Variants in TEAD1 observed in about 807,000 individuals in gnomAD.
TEAD1 encodes TEA domain transcription factor 1.
Under a neutral mutation model 54.9 loss-of-function variants are expected in TEAD1, and 9 were observed. That is an observed-to-expected ratio of 0.16 (90% CI 0.10 to 0.29). The LOEUF (loss-of-function observed/expected upper bound fraction) is 0.29, where lower values mean the gene tolerates loss of function less well. Ranked by LOEUF, TEAD1 falls within the 10% of genes least tolerant of loss-of-function variation. The pLI, the probability that TEAD1 is intolerant of heterozygous loss-of-function variation, is 1.00. For missense variants in TEAD1, 387 were observed against 535.9 expected (o/e 0.72, Z 2.74); for synonymous variants, 200 against 187.8 (o/e 1.07, Z -0.53).
Position 12,715,133 on chromosome 11 carries a change from T to C in TEAD1, c.-55+39572T>C, listed in dbSNP as rs149694367. ...CATACCATGGGGTCGGGGAGTTTAG[T>C]GGTCTTCAGTCACCGCTTCCAGTTT... On this transcript the variant is annotated intron_variant, in intron 2 of 12. Coordinates refer to ENST00000527636, the MANE Select transcript of TEAD1 (RefSeq NM_021961.6). Among the ~76,000 whole-genome samples the C allele has an allele frequency of 2.0e-3, 303 of 152,238 alleles. 1 individual carries two copies. Among genetic ancestry groups the C allele is most frequent in the African/African-American group, 6.5e-3 (269 of 41,524 alleles).
At chr11:12,761,340 C>T (rs762866222) in intron 2 of TEAD1, among the ~76,000 whole-genome samples, 9 of 152,126 alleles carry the variant, frequency 5.9e-5, no homozygotes, top group Non-Finnish European at 1.3e-4. Flanking sequence ...TGGAACTTCC[C>T]AAAGTGGATC....
In TEAD1 at chr11:12,901,969, G is replaced by A. The variant is rs749828562; in HGVS notation, c.729G>A (p.Gly243=). The change falls in exon 10 of 13, where the codon GGG becomes GGA. Residue 243 remains glycine, a synonymous_variant. Transcript: ENST00000527636. Reference sequence around the variant, plus strand: ...ACAAACACCTCTTCGTGCACATTGGGCATGCCAACCATTCTTACAGTGACC... The same window carrying A: ...ACAAACACCTCTTCGTGCACATTGGACATGCCAACCATTCTTACAGTGACC... 1 of 1,614,070 alleles carries A rather than the reference G, an allele frequency of 6.2e-7. No individual in the cohort carries two copies. Among genetic ancestry groups the A allele is most frequent in the African/African-American group, 1.3e-5 (1 of 74,938 alleles).
intron 10 of TEAD1, among the ~76,000 whole-genome samples, chr11:12,903,251 G>A (rs1287454746): frequency 1.3e-5 from 2 of 152,182 alleles, no homozygotes; most frequent in African/African-American, 4.8e-5. Context: ...AGATCTGTGT[G>A]ACTTTAATGC....
At chr11:12,935,550 C>G (rs1949084346) in intron 12 of TEAD1, among the ~76,000 whole-genome samples, 1 of 152,012 alleles carries the variant, frequency 6.6e-6, no homozygotes, top group African/African-American at 2.4e-5. Flanking sequence ...ACCTCTGCCT[C>G]CCGGGCTCAA....
In TEAD1 at chr11:12,937,915, A is replaced by T. The variant is rs987055609; in HGVS notation, c.*693A>T. The T allele has an allele frequency of 6.6e-6, 1 of 152,528 alleles. No homozygotes were observed. Among genetic ancestry groups the T allele is most frequent in the African/African-American group, 2.4e-5 (1 of 41,430 alleles). 9.4% of individuals were successfully genotyped at this position (152,528 alleles called of 1,614,324 possible). ...AAGGTTAACACTAATCTCCTAATCCATTAAACTCTTGAACAGGTATTACAA... is the reference window on the plus strand; with the variant it reads ...AAGGTTAACACTAATCTCCTAATCCTTTAAACTCTTGAACAGGTATTACAA... On this transcript the variant is annotated 3_prime_UTR_variant, in exon 13 of 13. Transcript: ENST00000527636.
chr11:12,758,698 G>C (rs1590121617), intron 2 of TEAD1, among the ~76,000 whole-genome samples: 1 of 151,968 alleles, frequency 6.6e-6, no homozygotes, highest in Admixed American at 6.6e-5. Context: ...ACAGGCGTGG[G>C]CCACCCTACC....
chr11:12,775,359 G>A (rs552660735), intron 3 of TEAD1, among the ~76,000 whole-genome samples: 1 of 152,268 alleles, frequency 6.6e-6, no homozygotes, highest in Admixed American at 6.5e-5. Flanking sequence ...TAGAGAGTGG[G>A]TGGACATTTG....
intron 2 of TEAD1, among the ~76,000 whole-genome samples, chr11:12,719,947 A>ATTTTTTTT (rs1564917562): frequency 1.7e-5 from 1 of 59,758 alleles, no homozygotes. Context: ...TGGAAATCTA[A>ATTTTTTTT]TGTTTTTTTT....
chr11:12,832,751 A>T (rs1246702682), intron 3 of TEAD1, among the ~76,000 whole-genome samples: 2 of 152,234 alleles, frequency 1.3e-5, no homozygotes, highest in Non-Finnish European at 2.9e-5. Context: ...AAATAAGAAG[A>T]AGTTTGACTT....
chr11:12,679,956 TTC>T (rs1943181637), intron 2 of TEAD1, among the ~76,000 whole-genome samples: 1 of 152,222 alleles, frequency 6.6e-6, no homozygotes, highest in Non-Finnish European at 1.5e-5. Flanking sequence ...CACTGCTGAG[TTC>T]TCTTTGAAAA....
intron 3 of TEAD1, among the ~76,000 whole-genome samples, chr11:12,858,738 G>A (rs1205449456): frequency 6.6e-6 from 1 of 152,178 alleles, no homozygotes; most frequent in Non-Finnish European, 1.5e-5. Flanking sequence ...TGACTACAGC[G>A]TAATGCCCAG....
chr11:12,695,385 A>AT (rs1943557917), intron 2 of TEAD1, among the ~76,000 whole-genome samples: 1 of 152,008 alleles, frequency 6.6e-6, no homozygotes, highest in Admixed American at 6.6e-5. Context: ...CTTGGAGGAG[A>AT]TTTTTCCTTA....
chr11:12,713,508 A>C (rs1328252542), intron 2 of TEAD1, among the ~76,000 whole-genome samples: 2 of 152,356 alleles, frequency 1.3e-5, no homozygotes, highest in East Asian at 1.9e-4. Context: ...AGATATTAAA[A>C]GTAGGACTTC....
chr11:12,903,798 C>G (rs1948464841), intron 10 of TEAD1, among the ~76,000 whole-genome samples: 1 of 152,150 alleles, frequency 6.6e-6, no homozygotes, highest in Non-Finnish European at 1.5e-5. Context: ...AGTAACAGAG[C>G]AAGACCCTGT....
At chr11:12,739,965 A>C (rs1251294084) in intron 2 of TEAD1, among the ~76,000 whole-genome samples, 1 of 152,258 alleles carries the variant, frequency 6.6e-6, no homozygotes, top group East Asian at 1.9e-4. Context: ...GGGAAAGCCA[A>C]ATAAGGCTTT....
intron 2 of TEAD1, among the ~76,000 whole-genome samples, chr11:12,698,241 G>T (rs1200267260): frequency 6.6e-6 from 1 of 152,094 alleles, no homozygotes; most frequent in African/African-American, 2.4e-5. Context: ...GCCTTGCCGT[G>T]AAGCCATGGC....
intron 3 of TEAD1, among the ~76,000 whole-genome samples, chr11:12,806,969 A>G (rs1946185936): frequency 6.6e-6 from 1 of 152,214 alleles, no homozygotes; most frequent in East Asian, 1.9e-4. Flanking sequence ...TATAACTAGT[A>G]ATAAGTGGGA....
chr11:12,857,560 ATCTC>A (rs142569684), intron 3 of TEAD1, among the ~76,000 whole-genome samples: 4 of 129,542 alleles, frequency 3.1e-5, no homozygotes, highest in Non-Finnish European at 4.7e-5. Context: ...TGAATCAAGC[ATCTC>A]TCTCTCTCTG....
intron 2 of TEAD1, among the ~76,000 whole-genome samples, chr11:12,697,052 A>G (rs909142118): frequency 2.0e-5 from 3 of 151,956 alleles, no homozygotes; most frequent in Non-Finnish European, 4.4e-5. Context: ...CAGGTGAGGA[A>G]TTTTCCCAGT....
Sources: gnomAD v4.1 joint callset for allele counts (sites outside exome capture counted in the v4.1 genomes callset) on GRCh38, gnomAD v4.1.1 for gene constraint, MANE v1.5 for transcripts, NCBI Gene and HGNC (gene_info 2026-07-23, HGNC 2026-07-21) for gene names.